The following SLC12A8 variants were observed in gnomAD, a reference collection of about 807,000 sequenced individuals.
SLC12A8 encodes the protein cation-chloride cotransporter 9.
A neutral mutation model predicts 75.6 loss-of-function variants in SLC12A8; 69 were observed. The ratio of observed to expected loss-of-function variants is 0.91; its 90% CI spans 0.75 to 1.11. The LOEUF (loss-of-function observed/expected upper bound fraction) is 1.11, where lower values mean the gene tolerates loss of function less well. Among genes scored for constraint, SLC12A8 ranks in the 50% most tolerant of loss-of-function variants. SLC12A8 has a pLI of 0.00. For synonymous variants in SLC12A8, 365 were observed against 372.8 expected, an observed-to-expected ratio of 0.98 and a Z score of 0.24; for missense variants, 877 against 896.7, an observed-to-expected ratio of 0.98 and a Z score of 0.28.
chr3:125,181,517 C>T (rs1934658324), intron 4 of SLC12A8, among the ~76,000 whole-genome samples: 1 of 144,656 alleles, frequency 6.9e-6, no homozygotes. Context: ...AGGAGAATGG[C>T]GTGAACCCGG....
chr3:125,100,561 C>A (rs1298168060), intron 10 of SLC12A8, among the ~76,000 whole-genome samples: 1 of 151,534 alleles, frequency 6.6e-6, no homozygotes, highest in African/African-American at 2.4e-5. Context: ...GCATGTGCCA[C>A]CATGCCCGGC....
rs201238805 is a variant in SLC12A8 at position 125,107,917 on chromosome 3, G to A, written c.1269C>T (p.Gly423=). 6.7e-4 allele frequency: 1,089 copies of A among 1,614,178 alleles called. 4 individuals carry two copies. Among genetic ancestry groups the A allele is most frequent in the Non-Finnish European group, 6.3e-4 (747 of 1,180,032 alleles). ...TPVPEPVLRE[G]AEGLHCSEHL... is the part of the protein sequence containing the mutation. The stretch of plus-strand genomic sequence containing the variant: ...GCTCAGAGCAGTGGAGGCCTTCTGC[G>A]CCCTCCCTGAGCACCGGCTCAGGCA... The change falls in exon 10 of 14, where the codon GGC becomes GGT. Residue 423 remains glycine (G), a synonymous_variant. Transcript: ENST00000469902.
At chr3:125,132,288 C>A (rs374619944) in intron 6 of SLC12A8, among the ~76,000 whole-genome samples, 10 of 152,338 alleles carry the variant, frequency 6.6e-5, no homozygotes, top group Admixed American at 3.3e-4. Flanking sequence ...CGCACTATTT[C>A]TGGCAAATCT....
intron 5 of SLC12A8, among the ~76,000 whole-genome samples, chr3:125,148,416 G>A (rs542117588): frequency 1.3e-5 from 2 of 152,336 alleles, no homozygotes; most frequent in African/African-American, 4.8e-5. Flanking sequence ...ATCCAGGCAA[G>A]AGGGACATGT....
rs571365169 is a variant in SLC12A8, at chr3:125,184,250, C to T, written c.390+2987G>A. 1.0e-3 allele frequency among the ~76,000 whole-genome samples: 159 copies of T among 152,276 alleles called. 1 individual carries two copies. Among genetic ancestry groups the T allele is most frequent in the African/African-American group, 3.5e-3 (146 of 41,548 alleles). ...CCTCCCAAAGTGCTGGGATTACAGG[C>T]GTGAGCAACCACGCCCGACCTGCAA... On this transcript the variant is annotated intron_variant, in intron 4 of 13. Coordinates refer to ENST00000469902, the MANE Select transcript of SLC12A8 (RefSeq NM_024628.6).
chr3:125,135,144 C>G (rs771335055), intron 6 of SLC12A8, among the ~76,000 whole-genome samples: 5 of 152,140 alleles, frequency 3.3e-5, no homozygotes, highest in African/African-American at 9.7e-5. Context: ...TCCTCACCCC[C>G]GCGATACTGG....
At chr3:125,150,832 T>C (rs1933903140) in intron 5 of SLC12A8, among the ~76,000 whole-genome samples, 1 of 152,128 alleles carries the variant, frequency 6.6e-6, no homozygotes, top group Admixed American at 6.5e-5. Flanking sequence ...ACATGAAAGG[T>C]AGAGTGCCAG....
At chr3:125,175,743 G>C (rs931615070) in intron 5 of SLC12A8, among the ~76,000 whole-genome samples, 3 of 129,562 alleles carry the variant, frequency 2.3e-5, no homozygotes, top group African/African-American at 8.5e-5. Context: ...TCTGCAGGGT[G>C]GTACATGGCC....
At chr3:125,146,577 C>T (rs750967692) in intron 5 of SLC12A8, among the ~76,000 whole-genome samples, 21 of 152,326 alleles carry the variant, frequency 1.4e-4, no homozygotes, top group Middle Eastern at 3.4e-3. Context: ...GCCTGGGCTC[C>T]TCCCTGCCGT....
intron 2 of SLC12A8, among the ~76,000 whole-genome samples, chr3:125,208,940 A>T (rs972290207): frequency 6.6e-6 from 1 of 151,974 alleles, no homozygotes; most frequent in African/African-American, 2.4e-5. Flanking sequence ...CCACTTTCTA[A>T]TCACCGTGAC....
chr3:125,207,370 C>T (rs1396256841), intron 2 of SLC12A8, among the ~76,000 whole-genome samples: 3 of 152,150 alleles, frequency 2.0e-5, no homozygotes, highest in African/African-American at 4.8e-5. Flanking sequence ...CTCAGGCCAG[C>T]TTCCCTTTTA....
At chr3:125,098,425 T>C (rs965496679) in intron 10 of SLC12A8, among the ~76,000 whole-genome samples, 4 of 152,170 alleles carry the variant, frequency 2.6e-5, no homozygotes, top group African/African-American at 7.2e-5. Context: ...TTCCCTCAAA[T>C]AGACTTACTA....
intron 5 of SLC12A8, among the ~76,000 whole-genome samples, chr3:125,153,890 G>T (rs1656167652): frequency 6.6e-6 from 1 of 152,156 alleles, no homozygotes; most frequent in Non-Finnish European, 1.5e-5. Context: ...TGGGGTTACA[G>T]GCGCGTGACA....
intron 8 of SLC12A8, among the ~76,000 whole-genome samples, chr3:125,118,469 TAAAA>T (rs570128430): frequency 1.3e-5 from 2 of 149,040 alleles, no homozygotes; most frequent in Non-Finnish European, 3.0e-5. Flanking sequence ...ACCAAAAAAT[TAAAA>T]AAAAAATTAG....
chr3:125,137,756 T>C (rs887739948), intron 5 of SLC12A8, among the ~76,000 whole-genome samples: 1 of 152,224 alleles, frequency 6.6e-6, no homozygotes, highest in Non-Finnish European at 1.5e-5. Context: ...GATGAGTCAC[T>C]GGGAAGCCTT....
intron 2 of SLC12A8, 92 bp from the exon 3 acceptor site, chr3:125,190,613 C>T (rs2107796272): frequency 1.4e-6 from 2 of 1,475,924 alleles, no homozygotes; most frequent in South Asian, 1.2e-5. Flanking sequence ...GGTAGGAGAA[C>T]TCAGCTTAAA....
In SLC12A8 at chr3:125,091,444, T is replaced by G. The variant is rs769074822; in HGVS notation, c.1916A>C (p.His639Pro). Residue 639 changes from histidine to proline, a missense_variant, in exon 12 of 14, where the codon CAC becomes CCC. Physicochemically the swap from His to Pro is moderately conservative, Grantham distance 77. Transcript: ENST00000469902. The stretch of plus-strand genomic sequence containing the variant: ...AAAATGGCTCTGCTGCTTACCAAGG[T>G]GAAGCCCTGGACTGGCCCGGCCAAT... ...FYIGRASPGLHLGSASNFSFF... is the reference protein window; with the variant it reads ...FYIGRASPGLPLGSASNFSFF... The G allele has an allele frequency of 1.1e-5, 18 of 1,611,322 alleles. No homozygotes were observed. The African/African-American group carries it at 2.0e-4, about 18-fold the overall frequency.
At chr3:125,176,492 A>C (rs1934530911) in intron 5 of SLC12A8, among the ~76,000 whole-genome samples, 1 of 152,214 alleles carries the variant, frequency 6.6e-6, no homozygotes, top group Non-Finnish European at 1.5e-5. Context: ...AATTAAACTA[A>C]AGGCTTCTGC....
At chr3:125,100,919 A>G (rs1228725220) in intron 10 of SLC12A8, among the ~76,000 whole-genome samples, 1 of 144,484 alleles carries the variant, frequency 6.9e-6, no homozygotes, top group Non-Finnish European at 1.5e-5. Context: ...AGGCTGAGGC[A>G]GGAGAATGGC....
Sources: gnomAD v4.1 joint callset for allele counts (sites outside exome capture counted in the v4.1 genomes callset) on GRCh38, gnomAD v4.1.1 for gene constraint, MANE v1.5 for transcripts, NCBI Gene and HGNC (gene_info 2026-07-23, HGNC 2026-07-21) for gene names.